The following CEP72 variants were observed in gnomAD, a reference collection of about 807,000 sequenced individuals.
CEP72 encodes centrosomal protein 72.
CEP72 carries 78 observed loss-of-function variants against 65.7 expected under a neutral mutation model. The ratio of observed to expected loss-of-function variants is 1.19; its 90% CI spans 0.99 to 1.43. The LOEUF (loss-of-function observed/expected upper bound fraction) is 1.43, where lower values mean the gene tolerates loss of function less well. Among genes scored for constraint, CEP72 ranks in the 40% most tolerant of loss-of-function variants. The probability of loss-of-function intolerance (pLI) is 0.00; values close to 1 mark genes in which losing one functional copy is unlikely to be tolerated. For synonymous variants in CEP72, 358 were observed against 351.7 expected (o/e 1.02, Z -0.20); for missense variants, 914 against 832.9 (o/e 1.10, Z -1.20).
chr5:642,468 C>T (rs1738121146), intron 9 of CEP72: 1 of 985,506 alleles, frequency 1.0e-6, no homozygotes, highest in Non-Finnish European at 1.2e-6. Context: ...CTGATGATGT[C>T]TTTTCTGTGG....
rs1398226423 is a variant in CEP72 at position 639,235 on chromosome 5, GC to G, written c.1342+12del. 2.6e-6 allele frequency: 4 copies of G among 1,561,096 alleles called. No homozygotes were observed. The highest frequency in any genetic ancestry group is 1.7e-4 in the Middle Eastern group (1 of 5,816). On this transcript the variant is annotated intron_variant, in intron 8 of 11. Transcript: ENST00000264935. ...ACGAGGCATTCCTTGGTGAGTCAGG[GC>G]GGCCACTGCTCTTGCCCTGTAGGCA...
At chr5:666,268 A>G (rs1335528046) in intron 4 of CEP72, 3 of 871,692 alleles carry the variant, frequency 3.4e-6, no homozygotes, top group Non-Finnish European at 5.2e-6. Context: ...AGCACTGCAA[A>G]TCCAAACTGT....
chr5:640,610 C>T lies in CEP72; in HGVS notation c.1539+6C>T, dbSNP rs774052313. 4 of 1,606,764 alleles carry T rather than the reference C, an allele frequency of 2.5e-6. No homozygotes were observed. The highest frequency in any genetic ancestry group is 2.2e-5 in the East Asian group (1 of 44,792). On this transcript the variant is annotated splice_donor_region_variant and intron_variant, in intron 9 of 11. Coordinates refer to ENST00000264935, the MANE Select transcript of CEP72 (RefSeq NM_018140.4). ...ACCACACACACAAGGAGCTGGTGAG[C>T]CCGCCCTGGCGCTGTGTCTGTGTCC...
At chr5:639,445 C>T (rs755441065) in intron 8 of CEP72, among the ~76,000 whole-genome samples, 8 of 152,224 alleles carry the variant, frequency 5.3e-5, no homozygotes, top group Non-Finnish European at 7.3e-5. Context: ...GCCTGTGGGT[C>T]CCCCGCTGTG....
chr5:651,325 GGACTGTGAGGTGT>G (rs1187655347), intron 11 of CEP72, among the ~76,000 whole-genome samples: 7 of 146,624 alleles, frequency 4.8e-5, no homozygotes, highest in Non-Finnish European at 7.6e-5. Flanking sequence ...TGTGAGGCGT[GGACTGTGAGGTGT>G]GACTGTGAGG....
At chr5:639,682 A>T (rs1046192165) in intron 8 of CEP72, among the ~76,000 whole-genome samples, 5 of 152,082 alleles carry the variant, frequency 3.3e-5, no homozygotes, top group African/African-American at 1.2e-4. Context: ...GGTCTGTTGG[A>T]TTCTACCAGG....
chr5:643,170 C>G, intron 9 of CEP72: 1 of 980,050 alleles, frequency 1.0e-6, no homozygotes, highest in Non-Finnish European at 1.2e-6. Context: ...GCTCCACTGC[C>G]CTCTAGTTTG....
chr5:662,838 G>C (rs770715954), intron 1 of CEP72: 1 of 152,484 alleles, frequency 6.6e-6, no homozygotes, highest in Non-Finnish European at 1.5e-5. Context: ...GTGATGGGCT[G>C]TTATCGGGTG....
chr5:639,897 T>C (rs191020262), intron 8 of CEP72, among the ~76,000 whole-genome samples: 4 of 152,224 alleles, frequency 2.6e-5, no homozygotes, highest in African/African-American at 7.2e-5. Flanking sequence ...TGCAGTGTTA[T>C]AGCCCCTCAG....
chr5:644,594 G>A lies in CEP72; in HGVS notation c.1666+169G>A, dbSNP rs1032224226. On this transcript the variant is annotated intron_variant, in intron 10 of 11. Transcript: ENST00000264935. ...GGCTGGGGTGGAGGCTGCCTCGGCC[G>A]GAGTTTATGGCACACACGTGTGTCT... Among the ~76,000 whole-genome samples, 9 of 152,322 alleles carry A rather than the reference G, an allele frequency of 5.9e-5. No individual in the cohort carries two copies. The East Asian group carries it at 9.6e-4, about 16-fold the overall frequency.
At chr5:672,708 C>G in the CEP72 span, among the ~76,000 whole-genome samples, 1 of 152,228 alleles carries the variant, frequency 6.6e-6, no homozygotes, top group Non-Finnish European at 1.5e-5. Context: ...CTGTCCATGG[C>G]TCTACCGGGC....
chr5:622,401 G>T (rs1014753162), intron 3 of CEP72, among the ~76,000 whole-genome samples: 5 of 152,370 alleles, frequency 3.3e-5, no homozygotes, highest in African/African-American at 1.2e-4. Context: ...GCAGTTGGCA[G>T]TGGCAGCATC....
In CEP72 at chr5:649,225, TGACTGTGAGGTGTGACTGTGAGGTGTG is replaced by T. The variant is rs1738722430; in HGVS notation, c.1778+1337_1778+1363del. 4.6e-5 allele frequency among the ~76,000 whole-genome samples: 2 copies of T among 43,112 alleles called. 1 individual carries two copies. The highest frequency in any genetic ancestry group is 8.1e-5 in the Non-Finnish European group (2 of 24,546). The allele number at this position is 43,112 out of a possible 152,430, so 28.3% of individuals were successfully genotyped here. On this transcript the variant is annotated intron_variant, in intron 11 of 11. Transcript: ENST00000264935. ...ACTGTGAGGTGTGGACTGTGAGGTG[TGACTGTGAGGTGTGACTGTGAGGTGTG>T]GACTGTGAGGTGTGACTGTGAGGTG...
At chr5:654,111 CTG>C (rs371811905), downstream of CEP72, among the ~76,000 whole-genome samples, 15 of 137,178 alleles carry the variant, frequency 1.1e-4, no homozygotes, top group Non-Finnish European at 1.8e-4. Context: ...TGTGTGCTAG[CTG>C]TGTGTGTGTG....
intron 7 of CEP72, among the ~76,000 whole-genome samples, chr5:638,196 C>T (rs192103595): frequency 6.7e-4 from 102 of 152,322 alleles, no homozygotes; most frequent in African/African-American, 2.3e-3. Flanking sequence ...CTCTGCCTTA[C>T]GGTGCACAGG....
At chr5:648,821 CTGTGAGGT>C (rs1738650859) in intron 11 of CEP72, among the ~76,000 whole-genome samples, 4 of 116,110 alleles carry the variant, frequency 3.4e-5, no homozygotes, top group African/African-American at 1.4e-4. Flanking sequence ...TGAGGTGTGA[CTGTGAGGT>C]GTGACTGTGA....
At chr5:664,228 G>A (rs1234474532) in intron 2 of CEP72, 1 of 152,654 alleles carries the variant, frequency 6.6e-6, no homozygotes, top group Non-Finnish European at 1.5e-5. Flanking sequence ...GCCGGGCAGA[G>A]GCTCTGTCAC....
chr5:661,112 C>G (rs937055088), downstream of CEP72: 2 of 152,336 alleles, frequency 1.3e-5, no homozygotes, highest in African/African-American at 4.8e-5. Flanking sequence ...CTGGCGTGAA[C>G]AGTCTTCTCA....
chr5:668,208 G>A (rs1740018171), downstream of CEP72, among the ~76,000 whole-genome samples: 1 of 116,720 alleles, frequency 8.6e-6, no homozygotes, highest in Non-Finnish European at 1.8e-5. Context: ...GGGAAGTACC[G>A]ACAAGCACAC....
Sources: allele counts gnomAD v4.1 joint callset (sites outside exome capture counted in the v4.1 genomes callset), GRCh38; gene constraint gnomAD v4.1.1; transcripts MANE v1.5; gene names NCBI Gene and HGNC (gene_info 2026-07-23, HGNC 2026-07-21).